The following ZNF407 variants were observed in gnomAD, a reference collection of about 807,000 sequenced individuals.
The protein encoded by ZNF407 is zinc finger protein 407.
Under a neutral mutation model 131.2 loss-of-function variants are expected in ZNF407, and 17 were observed. The observed-to-expected ratio is 0.13, with a 90% CI of 0.09 to 0.19. The LOEUF is 0.19. Among genes scored for constraint, ZNF407 ranks in the 10% least tolerant of loss-of-function variants. The pLI, the probability that ZNF407 is intolerant of heterozygous loss-of-function variation, is 1.00. For synonymous variants in ZNF407, 1,156 were observed against 1,062.0 expected (o/e 1.09, Z -1.72); for missense variants, 2,681 against 2,830.6 (o/e 0.95, Z 1.20).
intron 8 of ZNF407, among the ~76,000 whole-genome samples, chr18:75,021,711 A>G (rs1973112589): frequency 6.6e-6 from 1 of 152,132 alleles, no homozygotes; most frequent in African/African-American, 2.4e-5. Context: ...TCACAAAGAT[A>G]AAAGTTGATG....
intron 7 of ZNF407, among the ~76,000 whole-genome samples, chr18:74,915,473 CGG>C (rs1315186971): frequency 5.5e-5 from 1 of 18,262 alleles, no homozygotes; most frequent in Non-Finnish European, 1.3e-4. Context: ...TGGTTCGAAT[CGG>C]GAGTGTGTGT....
At chr18:74,636,058 A>C (rs971287095) in intron 2 of ZNF407, among the ~76,000 whole-genome samples, 3 of 152,218 alleles carry the variant, frequency 2.0e-5, no homozygotes, top group African/African-American at 7.2e-5. Flanking sequence ...GCACCTTATA[A>C]TTTCAGAAGA....
chr18:74,622,594 C>T (rs749513599), intron 1 of ZNF407, among the ~76,000 whole-genome samples: 9 of 152,232 alleles, frequency 5.9e-5, no homozygotes, highest in Non-Finnish European at 8.8e-5. Flanking sequence ...ACACGTACCC[C>T]TCAGTGAAGT....
At chr18:75,045,089 G>C (rs1478076776) in intron 8 of ZNF407, among the ~76,000 whole-genome samples, 2 of 141,936 alleles carry the variant, frequency 1.4e-5, no homozygotes, top group African/African-American at 5.3e-5. Context: ...TATGTGGGGG[G>C]TGTGGGTGGG....
intron 3 of ZNF407, among the ~76,000 whole-genome samples, chr18:74,749,326 A>C (rs1410930689): frequency 6.6e-6 from 1 of 151,852 alleles, no homozygotes; most frequent in Non-Finnish European, 1.5e-5. Context: ...TATTTTCTTC[A>C]CATCCCCCAG....
intron 8 of ZNF407, among the ~76,000 whole-genome samples, chr18:75,037,846 C>G (rs1231894732): frequency 6.6e-6 from 1 of 152,080 alleles, no homozygotes; most frequent in Non-Finnish European, 1.5e-5. Context: ...GAGAATGTGT[C>G]CCTTCTCAGG....
chr18:74,708,405 T>C (rs1035441694), intron 3 of ZNF407, among the ~76,000 whole-genome samples: 13 of 152,236 alleles, frequency 8.5e-5, no homozygotes, highest in African/African-American at 3.1e-4. Context: ...GTTTTATGGT[T>C]GAAGGTCTTT....
intron 7 of ZNF407, among the ~76,000 whole-genome samples, chr18:74,916,857 G>T (rs1363777057): frequency 6.6e-6 from 1 of 152,010 alleles, no homozygotes; most frequent in Non-Finnish European, 1.5e-5. Flanking sequence ...TGAGGAAGGA[G>T]ATTAGCAGCA....
At chr18:74,766,471 C>T (rs189688364) in intron 3 of ZNF407, among the ~76,000 whole-genome samples, 86 of 152,304 alleles carry the variant, frequency 5.6e-4, no homozygotes, top group African/African-American at 2.0e-3. Flanking sequence ...GTGGCAATGC[C>T]TGCGCGCTAT....
At chr18:74,836,189 A>T (rs1276351164) in intron 4 of ZNF407, among the ~76,000 whole-genome samples, 1 of 152,164 alleles carries the variant, frequency 6.6e-6, no homozygotes, top group Non-Finnish European at 1.5e-5. Flanking sequence ...TGAGCATAAA[A>T]CTTCAGGAGC....
chr18:75,045,463 A>G (rs1427168737), intron 8 of ZNF407, among the ~76,000 whole-genome samples: 1 of 152,184 alleles, frequency 6.6e-6, no homozygotes, highest in Non-Finnish European at 1.5e-5. Context: ...GCCTGCAAAC[A>G]GTGGAAATGT....
At chr18:74,962,610 C>T (rs1468245107) in intron 8 of ZNF407, among the ~76,000 whole-genome samples, 4 of 152,362 alleles carry the variant, frequency 2.6e-5, no homozygotes, top group South Asian at 2.1e-4. Flanking sequence ...GGGTATACGC[C>T]AAATATGCCA....
intron 4 of ZNF407, among the ~76,000 whole-genome samples, chr18:74,845,477 A>G (rs1235527893): frequency 2.0e-5 from 3 of 152,170 alleles, no homozygotes; most frequent in Non-Finnish European, 2.9e-5. Context: ...ATCGCAAGCC[A>G]TTAGAAATGA....
chr18:74,814,275 A>G (rs1399084256), intron 4 of ZNF407, among the ~76,000 whole-genome samples: 1 of 152,122 alleles, frequency 6.6e-6, no homozygotes, highest in Non-Finnish European at 1.5e-5. Context: ...CTGGGACTAC[A>G]GGCGTGCACC....
intron 3 of ZNF407, among the ~76,000 whole-genome samples, chr18:74,767,869 T>C (rs918865441): frequency 1.4e-5 from 2 of 144,264 alleles, no homozygotes; most frequent in Non-Finnish European, 3.0e-5. Context: ...GGTTTCACCG[T>C]GTTTGCCAGG....
Position 74,632,716 on chromosome 18 carries a change from G to A in ZNF407, c.1697G>A (p.Ser566Asn). Residue 566 changes from serine to asparagine, a missense_variant, in exon 2 of 9, where the codon AGT (serine) becomes AAT (asparagine). Physicochemically the swap from Ser to Asn is conservative, Grantham distance 46. Transcript: ENST00000299687. ...KFYCRTCDFSSMSRRDLDEHL... is the reference protein window; with the variant it reads ...KFYCRTCDFSNMSRRDLDEHL... ...TACTGCCGTACTTGTGACTTCTCTA[G>A]TATGTCAAGAAGGGACTTAGATGAA... 6.2e-7 allele frequency: 1 copy of A among 1,614,042 alleles called. No individual in the cohort carries two copies. Among genetic ancestry groups the A allele is most frequent in the Non-Finnish European group, 8.5e-7 (1 of 1,179,898 alleles).
At chr18:74,734,611 C>G (rs1210582375) in intron 3 of ZNF407, among the ~76,000 whole-genome samples, 1 of 151,866 alleles carries the variant, frequency 6.6e-6, no homozygotes, top group Non-Finnish European at 1.5e-5. Context: ...CTGTCCTCAC[C>G]TGGCACATGA....
At position 74,633,878 on chromosome 18, in the gene ZNF407, C is replaced by T. The variant is rs376138128; in HGVS notation, c.2859C>T (p.Pro953=). ...DEHANKPAES[P]TSVLEKPDRG... Reference sequence around the variant, plus strand: ...ATGCTAACAAACCAGCTGAGTCACCCACCTCCGTTTTAGAGAAGCCAGATC... The same window carrying T: ...ATGCTAACAAACCAGCTGAGTCACCTACCTCCGTTTTAGAGAAGCCAGATC... The change falls in exon 2 of 9, where the codon CCC becomes CCT. Residue 953 remains proline (P), a synonymous_variant. Transcript: ENST00000299687. The T allele has an allele frequency of 1.2e-6, 2 of 1,613,878 alleles. No homozygotes were observed. The highest frequency in any genetic ancestry group is 1.7e-6 in the Non-Finnish European group (2 of 1,179,894).
intron 4 of ZNF407, among the ~76,000 whole-genome samples, chr18:74,799,100 T>C (rs1188432901): frequency 1.3e-5 from 2 of 152,170 alleles, no homozygotes; most frequent in African/African-American, 4.8e-5. Context: ...TTATGAGTTT[T>C]CCCATATGAT....
Sources: allele counts gnomAD v4.1 joint callset (sites outside exome capture counted in the v4.1 genomes callset), GRCh38; gene constraint gnomAD v4.1.1; transcripts MANE v1.5; gene names NCBI Gene and HGNC (gene_info 2026-07-23, HGNC 2026-07-21).